PARD3B: variants seen among roughly 807,000 people sequenced by gnomAD.
The protein encoded by PARD3B is par-3 family cell polarity regulator beta, also known as partitioning defective 3 homolog B.
PARD3B carries 103 observed loss-of-function variants against 130.2 expected under a neutral mutation model. The ratio of observed to expected loss-of-function variants is 0.79; its 90% CI spans 0.67 to 0.93. The LOEUF is 0.93. PARD3B is among the 40% of genes least tolerant of loss of function. The probability of loss-of-function intolerance (pLI) is 0.00; values close to 1 mark genes in which losing one functional copy is unlikely to be tolerated. For missense variants in PARD3B, 1,609 were observed against 1,499.2 expected (o/e 1.07, Z -1.21); for synonymous variants, 583 against 553.2 (o/e 1.05, Z -0.76).
chr2:204,904,127 T>G (rs2046963711), intron 2 of PARD3B, among the ~76,000 whole-genome samples: 1 of 151,978 alleles, frequency 6.6e-6, no homozygotes, highest in Admixed American at 6.5e-5. Context: ...TTATAGTTCT[T>G]TAAGTTCAAT....
At chr2:205,434,115 A>T (rs1029018413) in intron 19 of PARD3B, among the ~76,000 whole-genome samples, 3 of 152,182 alleles carry the variant, frequency 2.0e-5, no homozygotes, top group African/African-American at 7.2e-5. Context: ...TTATACTTCC[A>T]CCAGCAGTGT....
At chr2:204,968,568 A>G (rs1228067526) in intron 3 of PARD3B, among the ~76,000 whole-genome samples, 1 of 152,200 alleles carries the variant, frequency 6.6e-6, no homozygotes, top group African/African-American at 2.4e-5. Flanking sequence ...ACCACTTGCC[A>G]TTCCAAATTT....
intron 3 of PARD3B, 89 bp from the exon 4 acceptor site, chr2:205,047,492 G>T: frequency 1.4e-6 from 1 of 712,924 alleles, no homozygotes; most frequent in Admixed American, 3.1e-5. Flanking sequence ...AAAGCCTGTT[G>T]TAAACCTTTT....
intron 20 of PARD3B, among the ~76,000 whole-genome samples, chr2:205,484,947 G>A (rs1470091981): frequency 1.3e-5 from 2 of 152,146 alleles, no homozygotes; most frequent in Non-Finnish European, 2.9e-5. Context: ...TCAATTGTCA[G>A]CAGCAGAGTG....
At chr2:205,604,266 A>C (rs2054900958) in intron 22 of PARD3B, among the ~76,000 whole-genome samples, 2 of 152,186 alleles carry the variant, frequency 1.3e-5, no homozygotes, top group South Asian at 4.1e-4. Flanking sequence ...AAAAGAAAGA[A>C]GTTTAATGGA....
At chr2:205,566,792 A>G (rs2053354112) in intron 22 of PARD3B, among the ~76,000 whole-genome samples, 1 of 152,228 alleles carries the variant, frequency 6.6e-6, no homozygotes, top group African/African-American at 2.4e-5. Flanking sequence ...AGAAAGTACA[A>G]ATAAAGGCAG....
chr2:204,829,478 A>T (rs1261873507), intron 2 of PARD3B, among the ~76,000 whole-genome samples: 1 of 152,138 alleles, frequency 6.6e-6, no homozygotes, highest in Non-Finnish European at 1.5e-5. Flanking sequence ...TTTTCATCAA[A>T]CTCAATGACA....
chr2:204,927,603 A>C (rs1326290065), intron 2 of PARD3B, among the ~76,000 whole-genome samples: 6 of 152,156 alleles, frequency 3.9e-5, no homozygotes, highest in Non-Finnish European at 2.9e-5. Flanking sequence ...TTTGGATTAT[A>C]ATTATAACGT....
intron 22 of PARD3B, among the ~76,000 whole-genome samples, chr2:205,615,224 C>T (rs1439203233): frequency 1.3e-5 from 2 of 152,110 alleles, no homozygotes; most frequent in African/African-American, 2.4e-5. Context: ...TCCCATAGCA[C>T]GTGGTTTTCA....
At chr2:205,598,665 A>G (rs1486826249) in intron 22 of PARD3B, among the ~76,000 whole-genome samples, 2 of 152,202 alleles carry the variant, frequency 1.3e-5, no homozygotes, top group Non-Finnish European at 2.9e-5. Flanking sequence ...CAGAATATGC[A>G]TTCTTCTCAT....
At chr2:205,131,181 G>A (rs1483929793) in intron 10 of PARD3B, among the ~76,000 whole-genome samples, 1 of 152,124 alleles carries the variant, frequency 6.6e-6, no homozygotes, top group African/African-American at 2.4e-5. Flanking sequence ...AAGGAAAAAT[G>A]AATATTATAG....
intron 18 of PARD3B, among the ~76,000 whole-genome samples, chr2:205,394,188 C>T (rs2045949651): frequency 6.6e-6 from 1 of 152,160 alleles, no homozygotes; most frequent in Non-Finnish European, 1.5e-5. Context: ...TTCACAACCC[C>T]CCTACCTAGG....
chr2:204,663,804 A>G (rs760280228), intron 1 of PARD3B, among the ~76,000 whole-genome samples: 1 of 152,250 alleles, frequency 6.6e-6, no homozygotes, highest in African/African-American at 2.4e-5. Context: ...CATAATTTAT[A>G]AATTTGGTAA....
chr2:205,478,710 G>C (rs1055731946), intron 20 of PARD3B, among the ~76,000 whole-genome samples: 2 of 152,146 alleles, frequency 1.3e-5, no homozygotes, highest in African/African-American at 4.8e-5. Flanking sequence ...TGAGGATGAG[G>C]AGCTAAATTT....
intron 22 of PARD3B, among the ~76,000 whole-genome samples, chr2:205,581,091 C>T (rs993729597): frequency 4.0e-5 from 6 of 151,580 alleles, no homozygotes. Context: ...GCATTTATAC[C>T]CAAAAGAAAG....
At chr2:204,969,198 G>A (rs554093118) in intron 3 of PARD3B, among the ~76,000 whole-genome samples, 83 of 152,284 alleles carry the variant, frequency 5.5e-4, no homozygotes, top group Non-Finnish European at 1.1e-3. Context: ...TTTATAGTTC[G>A]AGAATTTTCC....
chr2:205,428,504 TG>T (rs1395388572), intron 19 of PARD3B, among the ~76,000 whole-genome samples: 1 of 152,218 alleles, frequency 6.6e-6, no homozygotes, highest in East Asian at 1.9e-4. Flanking sequence ...CCAACCATGC[TG>T]GCATCCTGTT....
chr2:205,523,345 A>T (rs973974549), intron 21 of PARD3B, among the ~76,000 whole-genome samples: 2 of 151,090 alleles, frequency 1.3e-5, no homozygotes, highest in Non-Finnish European at 2.9e-5. Context: ...CCCAGGTTCT[A>T]GCAATTCTTT....
intron 2 of PARD3B, among the ~76,000 whole-genome samples, chr2:204,856,688 T>C (rs2044954507): frequency 6.6e-6 from 1 of 152,172 alleles, no homozygotes; most frequent in Admixed American, 6.6e-5. Flanking sequence ...TAGATTTCTT[T>C]ATTCTTTTGA....
Sources: allele counts gnomAD v4.1 joint callset (sites outside exome capture counted in the v4.1 genomes callset), GRCh38; gene constraint gnomAD v4.1.1; transcripts MANE v1.5; gene names NCBI Gene and HGNC (gene_info 2026-07-23, HGNC 2026-07-21).